The following RNF150 variants were observed in gnomAD, a reference collection of about 807,000 sequenced individuals.
The protein encoded by RNF150 is ring finger protein 150.
RNF150 carries 24 observed loss-of-function variants against 39.3 expected under a neutral mutation model. The ratio of observed to expected loss-of-function variants is 0.61; its 90% CI spans 0.44 to 0.86. The LOEUF (loss-of-function observed/expected upper bound fraction) is 0.86. RNF150 is among the 40% of genes least tolerant of loss of function. The probability of loss-of-function intolerance (pLI) is 0.00; values close to 1 mark genes in which losing one functional copy is unlikely to be tolerated. For missense variants in RNF150, 502 were observed against 587.8 expected (o/e 0.85, Z 1.51); for synonymous variants, 255 against 227.3 (o/e 1.12, Z -1.10).
At chr4:141,025,188 A>G (rs574425009) in intron 1 of RNF150, among the ~76,000 whole-genome samples, 2 of 152,316 alleles carry the variant, frequency 1.3e-5, no homozygotes, top group East Asian at 1.9e-4. Context: ...CTAAAATACT[A>G]AAGTCGTAAA....
chr4:141,178,997 C>T (rs1727861256), intron 1 of RNF150, among the ~76,000 whole-genome samples: 1 of 151,676 alleles, frequency 6.6e-6, no homozygotes, highest in African/African-American at 2.4e-5. Flanking sequence ...AAATTAGGAT[C>T]CCATTACATT....
chr4:140,985,488 A>T (rs1733989332), intron 1 of RNF150, among the ~76,000 whole-genome samples: 2 of 152,156 alleles, frequency 1.3e-5, no homozygotes, highest in South Asian at 4.1e-4. Flanking sequence ...AACTAAACTC[A>T]TCAGATATTC....
chr4:140,866,554 T>G lies in RNF150; in HGVS notation c.*1707A>C, dbSNP rs1475644968. ...TACTGTCTACTTACAAACCATCAAA[T>G]AGGAAATTGGTAAAGGTGGTGAAAA... On this transcript the variant is annotated 3_prime_UTR_variant, in exon 7 of 7. Transcript: ENST00000515673. The G allele has an allele frequency of 6.6e-6, 1 of 152,072 alleles. No homozygotes were observed. The highest frequency in any genetic ancestry group is 1.5e-5 in the Non-Finnish European group (1 of 68,006). 9.4% of individuals were successfully genotyped at this position (152,072 alleles called of 1,614,324 possible). A position where few individuals can be genotyped will look rare whatever the true frequency, so the allele number is the denominator to read the frequency against.
At chr4:140,916,599 T>C (rs909756369) in intron 5 of RNF150, among the ~76,000 whole-genome samples, 1 of 152,146 alleles carries the variant, frequency 6.6e-6, no homozygotes, top group African/African-American at 2.4e-5. Flanking sequence ...GAGAATGGAA[T>C]CAAGTTGGAA....
At chr4:140,897,254 G>A (rs901255778) in intron 6 of RNF150, among the ~76,000 whole-genome samples, 3 of 152,174 alleles carry the variant, frequency 2.0e-5, no homozygotes, top group Non-Finnish European at 1.5e-5. Flanking sequence ...ATTTCAAGAC[G>A]CTGCAGGGAT....
intron 1 of RNF150, among the ~76,000 whole-genome samples, chr4:141,102,785 C>T (rs190485607): frequency 3.3e-5 from 5 of 152,148 alleles, no homozygotes; most frequent in East Asian, 1.9e-4. Flanking sequence ...GTTTCCTAAG[C>T]GGTTGTCTCC....
chr4:140,946,293 G>C (rs1732308156), intron 4 of RNF150, among the ~76,000 whole-genome samples: 1 of 152,078 alleles, frequency 6.6e-6, no homozygotes, highest in African/African-American at 2.4e-5. Flanking sequence ...TTAGTATCCT[G>C]TCACTTCTTT....
intron 1 of RNF150, among the ~76,000 whole-genome samples, chr4:141,172,633 T>C (rs765235218): frequency 6.6e-6 from 1 of 152,214 alleles, no homozygotes; most frequent in Non-Finnish European, 1.5e-5. Context: ...CCAAGTCACC[T>C]AGCTGAACTT....
At chr4:141,063,370 A>C (rs1284175904) in intron 1 of RNF150, among the ~76,000 whole-genome samples, 1 of 152,216 alleles carries the variant, frequency 6.6e-6, no homozygotes, top group Non-Finnish European at 1.5e-5. Flanking sequence ...TCCAAGGTTT[A>C]CTTAATTATC....
intron 1 of RNF150, among the ~76,000 whole-genome samples, chr4:141,110,782 A>G (rs1739361821): frequency 6.6e-6 from 1 of 152,074 alleles, no homozygotes; most frequent in African/African-American, 2.4e-5. Flanking sequence ...CCATTTGTTT[A>G]TCTTTTGTTA....
chr4:141,028,469 T>C (rs6826959), intron 1 of RNF150, among the ~76,000 whole-genome samples: 2,810 of 152,236 alleles, frequency 0.018, 86 homozygotes, highest in African/African-American at 0.063. Flanking sequence ...CTGGAAAAAT[T>C]TGGAATTTTG....
At chr4:140,953,248 G>A (rs1455239381) in intron 2 of RNF150, among the ~76,000 whole-genome samples, 1 of 152,172 alleles carries the variant, frequency 6.6e-6, no homozygotes, top group Non-Finnish European at 1.5e-5. Flanking sequence ...GTAGGAAGAC[G>A]TATTTTCCTT....
At chr4:141,048,162 G>A (rs924342194) in intron 1 of RNF150, among the ~76,000 whole-genome samples, 1 of 152,154 alleles carries the variant, frequency 6.6e-6, no homozygotes. Flanking sequence ...ATATTCCATG[G>A]AAAACAAAGT....
intron 1 of RNF150, among the ~76,000 whole-genome samples, chr4:141,019,023 A>C (rs1735381590): frequency 7.1e-6 from 1 of 140,880 alleles, no homozygotes; most frequent in Non-Finnish European, 1.5e-5. Flanking sequence ...AGGCAATCTT[A>C]CTGCAAAGAA....
chr4:140,889,387 T>G (rs1196651969), intron 6 of RNF150, among the ~76,000 whole-genome samples: 1 of 152,202 alleles, frequency 6.6e-6, no homozygotes, highest in African/African-American at 2.4e-5. Flanking sequence ...AATTCTGGAG[T>G]TGGTATTTTA....
intron 1 of RNF150, among the ~76,000 whole-genome samples, chr4:141,112,117 A>AT (rs1244218181): frequency 2.0e-5 from 3 of 152,206 alleles, no homozygotes; most frequent in African/African-American, 7.2e-5. Flanking sequence ...TATGAAAACT[A>AT]TAACTATTCT....
chr4:141,125,629 G>C (rs1273074275), intron 1 of RNF150, among the ~76,000 whole-genome samples: 1 of 152,052 alleles, frequency 6.6e-6, no homozygotes, highest in African/African-American at 2.4e-5. Context: ...CAACAATAAC[G>C]GTTAACTTTT....
At chr4:141,022,349 T>G (rs942976962) in intron 1 of RNF150, among the ~76,000 whole-genome samples, 1 of 152,280 alleles carries the variant, frequency 6.6e-6, no homozygotes. Context: ...AAAGAACATA[T>G]GGACTTTGTT....
At chr4:140,936,248 G>T (rs532794767) in intron 4 of RNF150, among the ~76,000 whole-genome samples, 1 of 152,170 alleles carries the variant, frequency 6.6e-6, no homozygotes, top group East Asian at 1.9e-4. Flanking sequence ...GGCCACTCTT[G>T]CATCAGTCTT....
Sources: allele counts gnomAD v4.1 joint callset (sites outside exome capture counted in the v4.1 genomes callset), GRCh38; gene constraint gnomAD v4.1.1; transcripts MANE v1.5; gene names NCBI Gene and HGNC (gene_info 2026-07-23, HGNC 2026-07-21).